CWC27: variants seen among roughly 807,000 people sequenced by gnomAD.
CWC27 encodes CWC27 spliceosome associated cyclophilin.
In CWC27, 47 loss-of-function variants were observed where a neutral mutation model predicts 63.6. The observed-to-expected ratio is 0.74, with a 90% confidence interval of 0.58 to 0.94. The LOEUF is 0.94. Ranked by LOEUF, CWC27 falls within the 40% of genes least tolerant of loss-of-function variation. The probability of loss-of-function intolerance (pLI) is 0.00; values close to 1 mark genes in which losing one functional copy is unlikely to be tolerated. For synonymous variants in CWC27, 175 were observed against 179.8 expected, an observed-to-expected ratio of 0.97 and a Z score of 0.22; for missense variants, 495 against 554.3, an observed-to-expected ratio of 0.89 and a Z score of 1.07.
chr5:64,988,740 A>T (rs1007979619), intron 13 of CWC27, among the ~76,000 whole-genome samples: 3 of 151,920 alleles, frequency 2.0e-5, no homozygotes, highest in Non-Finnish European at 2.9e-5. Context: ...AGTAGCTGGA[A>T]TTATAGGCAT....
In CWC27 at chr5:64,786,588, C is replaced by G; in HGVS notation, c.560C>G (p.Pro187Arg). 6.3e-7 allele frequency: 1 copy of G among 1,587,660 alleles called. No homozygotes were observed. Among genetic ancestry groups the G allele is most frequent in the Non-Finnish European group, 8.6e-7 (1 of 1,168,608 alleles). ...ATTAAAAGGCTGAAAAAAGAGAAAC[C>G]AGAGGAGGAAGTAAAGAAATTGAAA... ...REIKRLKKEK[P>R]EEEVKKLKPK... is the part of the protein sequence containing the mutation. Residue 187 changes from proline (P) to arginine (R), a missense_variant, in exon 6 of 14, where the codon CCA becomes CGA. Physicochemically the swap from Pro to Arg is moderately radical, Grantham distance 103 (BLOSUM62 -2). Transcript: ENST00000381070.
At chr5:64,978,887 AC>A (rs1307878065) in intron 13 of CWC27, among the ~76,000 whole-genome samples, 1 of 152,116 alleles carries the variant, frequency 6.6e-6, no homozygotes, top group African/African-American at 2.4e-5. Context: ...CAGGAAAGTC[AC>A]CAACAAATTC....
intron 11 of CWC27, among the ~76,000 whole-genome samples, chr5:64,962,814 C>T (rs1259032902): frequency 4.6e-5 from 7 of 152,228 alleles, no homozygotes; most frequent in Middle Eastern, 3.4e-3. Flanking sequence ...GATGGAGATG[C>T]AGTCCTAGCT....
At chr5:64,785,988 C>A (rs1436245779) in intron 5 of CWC27, among the ~76,000 whole-genome samples, 2 of 151,644 alleles carry the variant, frequency 1.3e-5, no homozygotes, top group African/African-American at 4.8e-5. Context: ...CACAGTGAAA[C>A]CCTGTGTCTA....
At chr5:64,805,140 A>G (rs1306346543) in intron 10 of CWC27, among the ~76,000 whole-genome samples, 2 of 151,924 alleles carry the variant, frequency 1.3e-5, no homozygotes, top group Non-Finnish European at 2.9e-5. Flanking sequence ...ATGTTTCTCA[A>G]CCACATGTAG....
intron 11 of CWC27, among the ~76,000 whole-genome samples, chr5:64,965,573 TGAAACAAGA>T (rs555024183): frequency 6.6e-6 from 1 of 152,190 alleles, no homozygotes; most frequent in Non-Finnish European, 1.5e-5. Context: ...TGAAGCCTTG[TGAAACAAGA>T]GTTACCTTAC....
rs147892325 is a variant in CWC27 at position 64,909,314 on chromosome 5, T to C, written c.1042+23768T>C. 1.1e-4 allele frequency among the ~76,000 whole-genome samples: 17 copies of C among 152,350 alleles called. No individual in the cohort carries two copies. In the East Asian group the frequency reaches 3.1e-3, roughly 28 times the overall value. On this transcript the variant is annotated intron_variant, in intron 11 of 13. Transcript: ENST00000381070. ...AGACTGACAGTTTCCACTGTCAGTC[T>C]GATGGGCTTCCCTTTGTAGGTAACC...
At chr5:64,866,559 C>G (rs1746535946) in intron 10 of CWC27, among the ~76,000 whole-genome samples, 1 of 152,026 alleles carries the variant, frequency 6.6e-6, no homozygotes, top group East Asian at 1.9e-4. Flanking sequence ...AAATTTCCCT[C>G]TAAGTATGTT....
chr5:64,936,868 T>C (rs1434407554), intron 11 of CWC27, among the ~76,000 whole-genome samples: 1 of 152,206 alleles, frequency 6.6e-6, no homozygotes, highest in Non-Finnish European at 1.5e-5. Context: ...TTCTTCTAGA[T>C]TTTCTAGTTT....
chr5:64,784,247 G>A (rs1478433994), intron 4 of CWC27, among the ~76,000 whole-genome samples: 1 of 152,136 alleles, frequency 6.6e-6, no homozygotes, highest in Non-Finnish European at 1.5e-5. Context: ...AATGGTATGA[G>A]CTAAAATGTG....
intron 13 of CWC27, among the ~76,000 whole-genome samples, chr5:64,978,083 A>G (rs1055710192): frequency 6.6e-6 from 1 of 152,218 alleles, no homozygotes; most frequent in Non-Finnish European, 1.5e-5. Context: ...CCCCTGTTTC[A>G]AAACTCTGTT....
At chr5:64,892,988 G>GC (rs1747277453) in intron 11 of CWC27, among the ~76,000 whole-genome samples, 1 of 152,216 alleles carries the variant, frequency 6.6e-6, no homozygotes, top group South Asian at 2.1e-4. Context: ...GGTATTTGGA[G>GC]CCTACATTGA....
chr5:64,923,884 A>G (rs370120110), intron 11 of CWC27, among the ~76,000 whole-genome samples: 170 of 151,826 alleles, frequency 1.1e-3, no homozygotes, highest in Middle Eastern at 3.4e-3. Context: ...TACTACTATT[A>G]CTAGTTGTAC....
intron 11 of CWC27, among the ~76,000 whole-genome samples, chr5:64,966,458 CAT>C (rs1459120513): frequency 2.0e-5 from 3 of 152,138 alleles, no homozygotes; most frequent in Admixed American, 1.3e-4. Flanking sequence ...GTGTTTGCCA[CAT>C]GTCAGACAGT....
At chr5:64,938,914 G>A (rs1333092648) in intron 11 of CWC27, among the ~76,000 whole-genome samples, 1 of 152,074 alleles carries the variant, frequency 6.6e-6, no homozygotes, top group African/African-American at 2.4e-5. Flanking sequence ...TGATACTTGT[G>A]TATGCTTCAT....
chr5:64,807,754 C>G, intron 10 of CWC27: 1 of 1,535,938 alleles, frequency 6.5e-7, no homozygotes, highest in Non-Finnish European at 8.7e-7. Flanking sequence ...GTTTACTTCA[C>G]ACTTCAAACT....
At position 64,840,361 on chromosome 5, in the gene CWC27, TTAAAAAAAAA is replaced by T. The variant is rs1262777605; in HGVS notation, c.938+35976_938+35985del. On this transcript the variant is annotated intron_variant, in intron 10 of 13. Coordinates refer to ENST00000381070, the MANE Select transcript of CWC27 (RefSeq NM_005869.4). ...CTTTGTGTGTTTTTATCCTTTTTCA[TTAAAAAAAAA>T]AAAAAAAAAAAAAAAAAAAAAAAAT... Among the ~76,000 whole-genome samples, 40 of 35,814 alleles carry T rather than the reference TTAAAAAAAAA, an allele frequency of 1.1e-3. 3 individuals are homozygous for T. Among genetic ancestry groups the T allele is most frequent in the African/African-American group, 2.1e-3 (20 of 9,744 alleles). 23.5% of individuals were successfully genotyped at this position (35,814 alleles called of 152,430 possible). A position where few individuals can be genotyped will look rare whatever the true frequency, so the allele number is the denominator to read the frequency against.
chr5:65,001,467 C>T (rs1749730786), intron 13 of CWC27, among the ~76,000 whole-genome samples: 1 of 151,978 alleles, frequency 6.6e-6, no homozygotes, highest in South Asian at 2.1e-4. Context: ...TCACAAATGG[C>T]CTTTATTATA....
chr5:64,978,703 C>T lies in CWC27; in HGVS notation c.1256+1465C>T, dbSNP rs1330647468. On this transcript the variant is annotated intron_variant, in intron 13 of 13. Coordinates refer to ENST00000381070, the MANE Select transcript of CWC27 (RefSeq NM_005869.4). ...AGCCACCACACAAAAAATGTTTTGC[C>T]AAGTCCTCTTCCCTTTATTTTTGAA... Among the ~76,000 whole-genome samples the T allele has an allele frequency of 2.0e-5, 3 of 151,466 alleles. 1 individual carries two copies. In the East Asian group the frequency reaches 5.8e-4, roughly 29 times the overall value.
Sources: allele counts gnomAD v4.1 joint callset (sites outside exome capture counted in the v4.1 genomes callset), GRCh38; gene constraint gnomAD v4.1.1; transcripts MANE v1.5; gene names NCBI Gene and HGNC (gene_info 2026-07-23, HGNC 2026-07-21).